The following SH3RF3 variants were observed in gnomAD, a reference collection of about 807,000 sequenced individuals.
SH3RF3 encodes SH3 domain containing ring finger 3, also known as E3 ubiquitin-protein ligase SH3RF3.
In SH3RF3, 29 loss-of-function variants were observed where a neutral mutation model predicts 66.3. The observed-to-expected ratio is 0.44, with a 90% CI of 0.33 to 0.60. The LOEUF (loss-of-function observed/expected upper bound fraction) is 0.60, where lower values mean the gene tolerates loss of function less well. Ranked by LOEUF, SH3RF3 falls within the 20% of genes least tolerant of loss-of-function variation. SH3RF3 has a pLI of 0.04. For missense variants in SH3RF3, 1,194 were observed against 1,190.9 expected (o/e 1.00, Z -0.04); for synonymous variants, 583 against 532.0 (o/e 1.10, Z -1.32).
chr2:109,430,383 C>T (rs1259729046), intron 5 of SH3RF3, among the ~76,000 whole-genome samples: 1 of 152,186 alleles, frequency 6.6e-6, no homozygotes, highest in Non-Finnish European at 1.5e-5. Flanking sequence ...TCCAAGTCCT[C>T]CCTGCACTCT....
intron 3 of SH3RF3, among the ~76,000 whole-genome samples, chr2:109,377,323 T>C (rs1683411861): frequency 6.6e-6 from 1 of 151,990 alleles, no homozygotes; most frequent in Non-Finnish European, 1.5e-5. Flanking sequence ...GGGTCACAGA[T>C]GAGAGGTGGA....
intron 3 of SH3RF3, among the ~76,000 whole-genome samples, chr2:109,394,466 G>T (rs1311277736): frequency 6.6e-6 from 1 of 152,194 alleles, no homozygotes; most frequent in Non-Finnish European, 1.5e-5. Context: ...CCCAGAACAG[G>T]GGCAGGCTCT....
chr2:109,294,937 G>A (rs1166801274), intron 1 of SH3RF3, among the ~76,000 whole-genome samples: 1 of 152,232 alleles, frequency 6.6e-6, no homozygotes, highest in Non-Finnish European at 1.5e-5. Flanking sequence ...AGTGGAAACA[G>A]CACTTTCCCA....
intron 3 of SH3RF3, among the ~76,000 whole-genome samples, chr2:109,384,988 C>G (rs1444874314): frequency 6.6e-6 from 1 of 152,238 alleles, no homozygotes; most frequent in African/African-American, 2.4e-5. Flanking sequence ...CTCCTCACTG[C>G]AGTCTACCCT....
At chr2:109,230,265 A>G (rs143029794) in intron 1 of SH3RF3, among the ~76,000 whole-genome samples, 1,933 of 152,258 alleles carry the variant, frequency 0.013, 20 homozygotes, top group South Asian at 0.024. Context: ...TGCAAAAGCC[A>G]TATACTTCCA....
chr2:109,432,731 G>T, intron 6 of SH3RF3, 60 bp downstream of exon 6: 1 of 1,548,570 alleles, frequency 6.5e-7, no homozygotes, highest in African/African-American at 1.4e-5. Flanking sequence ...ACGCCTTACC[G>T]CTGTTGTTAC....
At chr2:109,366,048 A>G (rs1683146130) in intron 2 of SH3RF3, among the ~76,000 whole-genome samples, 1 of 152,236 alleles carries the variant, frequency 6.6e-6, no homozygotes, top group Non-Finnish European at 1.5e-5. Context: ...AATACTTGGT[A>G]TTCACTGAGA....
chr2:109,471,140 G>C (rs538841132), intron 8 of SH3RF3, among the ~76,000 whole-genome samples: 2 of 151,226 alleles, frequency 1.3e-5, no homozygotes, highest in East Asian at 3.9e-4. Context: ...TTGAACCCAG[G>C]GGGCAGAGTT....
At chr2:109,359,518 G>A (rs998232258) in intron 2 of SH3RF3, among the ~76,000 whole-genome samples, 3 of 151,940 alleles carry the variant, frequency 2.0e-5, no homozygotes, top group African/African-American at 7.3e-5. Flanking sequence ...TATTTCATTT[G>A]TACCTAAGTA....
At chr2:109,403,926 G>A (rs982770953) in intron 4 of SH3RF3, among the ~76,000 whole-genome samples, 1 of 152,216 alleles carries the variant, frequency 6.6e-6, no homozygotes, top group South Asian at 2.1e-4. Flanking sequence ...GCGTGCGTGC[G>A]GGCTGCCCTC....
intron 1 of SH3RF3, among the ~76,000 whole-genome samples, chr2:109,343,100 A>G (rs1574585150): frequency 6.6e-6 from 1 of 151,842 alleles, no homozygotes; most frequent in African/African-American, 2.4e-5. Flanking sequence ...GCAGCTGCCC[A>G]CCCTCCTGGG....
intron 1 of SH3RF3, among the ~76,000 whole-genome samples, chr2:109,140,466 T>A (rs1676920338): frequency 6.6e-6 from 1 of 152,112 alleles, no homozygotes; most frequent in Admixed American, 6.6e-5. Context: ...CTGCAGGCTC[T>A]GCCTCCCAGG....
chr2:109,474,846 T>C (rs1294393457), intron 8 of SH3RF3, among the ~76,000 whole-genome samples: 3 of 152,224 alleles, frequency 2.0e-5, no homozygotes, highest in Non-Finnish European at 2.9e-5. Flanking sequence ...CGCCAAAGTC[T>C]ACACTCACTC....
intron 1 of SH3RF3, chr2:109,251,336 A>C (rs899272226): frequency 2.0e-6 from 1 of 511,160 alleles, no homozygotes; most frequent in African/African-American, 1.9e-5. Context: ...AATTAGAGAG[A>C]TGCAAGACAC....
chr2:109,289,531 GTAAGGA>G (rs1681115435), intron 1 of SH3RF3, among the ~76,000 whole-genome samples: 1 of 152,176 alleles, frequency 6.6e-6, no homozygotes, highest in Non-Finnish European at 1.5e-5. Flanking sequence ...GGAAATCTGT[GTAAGGA>G]TCTTAGCAAT....
At chr2:109,347,182 G>A (rs1187036533) in intron 1 of SH3RF3, among the ~76,000 whole-genome samples, 1 of 152,206 alleles carries the variant, frequency 6.6e-6, no homozygotes, top group Non-Finnish European at 1.5e-5. Flanking sequence ...TAGAAGTCTG[G>A]CAGCTTCTTA....
At chr2:109,130,207 C>T in intron 1 of SH3RF3, 94 bp downstream of exon 1, 1 of 1,158,594 alleles carries the variant, frequency 8.6e-7, no homozygotes, top group Non-Finnish European at 1.1e-6. Context: ...GCGGAGGAGA[C>T]CACGGGTGGT....
intron 1 of SH3RF3, among the ~76,000 whole-genome samples, chr2:109,249,501 CTT>C (rs1406653769): frequency 4.9e-4 from 17 of 34,808 alleles, no homozygotes; most frequent in African/African-American, 2.3e-3. Context: ...TTCTTTCTTT[CTT>C]TCTTTCATTC....
intron 1 of SH3RF3, among the ~76,000 whole-genome samples, chr2:109,237,616 T>A (rs1574521116): frequency 6.6e-6 from 1 of 152,200 alleles, no homozygotes; most frequent in Admixed American, 6.5e-5. Context: ...GAATTTTTTT[T>A]AAAGCTCATC....
Sources: allele counts gnomAD v4.1 joint callset (sites outside exome capture counted in the v4.1 genomes callset), GRCh38; gene constraint gnomAD v4.1.1; transcripts MANE v1.5; gene names NCBI Gene and HGNC (gene_info 2026-07-23, HGNC 2026-07-21).